TBC1D22A: variants seen among roughly 807,000 people sequenced by gnomAD.
TBC1D22A encodes putative GTPase activator.
Under a neutral mutation model 60.2 loss-of-function variants are expected in TBC1D22A, and 38 were observed. The ratio of observed to expected loss-of-function variants is 0.63; its 90% CI spans 0.49 to 0.83. TBC1D22A has a LOEUF of 0.83. Among genes scored for constraint, TBC1D22A ranks in the 40% least tolerant of loss-of-function variants. TBC1D22A has a pLI of 0.00. For synonymous variants in TBC1D22A, 302 were observed against 281.7 expected, an observed-to-expected ratio of 1.07 and a Z score of -0.72; for missense variants, 628 against 701.0, an observed-to-expected ratio of 0.90 and a Z score of 1.18.
At chr22:47,149,154 C>T (rs114004143) in intron 12 of TBC1D22A, among the ~76,000 whole-genome samples, 1,590 of 152,240 alleles carry the variant, frequency 0.01, 34 homozygotes, top group African/African-American at 0.037. Context: ...GGTCACATGG[C>T]TCGGGGGCCC....
chr22:47,124,294 G>T (rs923545187), intron 12 of TBC1D22A, among the ~76,000 whole-genome samples: 11 of 152,212 alleles, frequency 7.2e-5, no homozygotes, highest in African/African-American at 2.7e-4. Flanking sequence ...GGCGCCGTGG[G>T]AGCTGGGACC....
intron 4 of TBC1D22A, among the ~76,000 whole-genome samples, chr22:46,838,466 A>C (rs2086612422): frequency 6.6e-6 from 1 of 152,240 alleles, no homozygotes; most frequent in African/African-American, 2.4e-5. Flanking sequence ...TTCACTGGTG[A>C]ATTCTACCAA....
At chr22:47,053,927 T>G (rs1389488154) in intron 11 of TBC1D22A, among the ~76,000 whole-genome samples, 1 of 152,086 alleles carries the variant, frequency 6.6e-6, no homozygotes, top group Non-Finnish European at 1.5e-5. Flanking sequence ...GCTCCAGAAG[T>G]GGTAGCTGTT....
At chr22:46,988,210 ACCATATCTGTAGTTACTTCCT>A (rs1254579357) in intron 9 of TBC1D22A, among the ~76,000 whole-genome samples, 1 of 152,146 alleles carries the variant, frequency 6.6e-6, no homozygotes, top group Non-Finnish European at 1.5e-5. Context: ...GTCTATTTCC[ACCATATCTGTAGTTACTTCCT>A]CCACTGAAGT....
rs563275278 is a variant in TBC1D22A, at chr22:46,998,602, A to G, written c.1201+893A>G. On this transcript the variant is annotated intron_variant, in intron 10 of 12. Transcript: ENST00000337137. ...CTTTTCCCCTCCCTGCGCCTTTAGC[A>G]CAGAAGGCCGTAACAGCAGTCTTCA... is the stretch of plus-strand genomic sequence containing the variant. Among the ~76,000 whole-genome samples the G allele has an allele frequency of 4.6e-5, 7 of 152,290 alleles. No individual in the cohort carries two copies. In the South Asian group the frequency reaches 1.4e-3, roughly 32 times the overall value.
chr22:46,782,324 A>T (rs2083975154), intron 1 of TBC1D22A, among the ~76,000 whole-genome samples: 1 of 152,182 alleles, frequency 6.6e-6, no homozygotes, highest in Non-Finnish European at 1.5e-5. Context: ...AAGTGCTGAG[A>T]TTACAGGCCT....
chr22:46,825,421 C>G (rs1486402340), intron 4 of TBC1D22A, among the ~76,000 whole-genome samples: 2 of 152,092 alleles, frequency 1.3e-5, no homozygotes, highest in East Asian at 3.9e-4. Context: ...GAACTTTGTT[C>G]TCTCCCTTCA....
At chr22:47,051,631 G>A (rs915258149) in intron 11 of TBC1D22A, among the ~76,000 whole-genome samples, 43 of 152,176 alleles carry the variant, frequency 2.8e-4, no homozygotes, top group Non-Finnish European at 5.9e-5. Context: ...CCCCTGCCAG[G>A]CTGTGGAGCT....
chr22:46,814,423 G>C (rs1479181941), intron 4 of TBC1D22A, among the ~76,000 whole-genome samples: 2 of 152,140 alleles, frequency 1.3e-5, no homozygotes, highest in African/African-American at 4.8e-5. Context: ...AGGAATGTCT[G>C]AGTCCACTGG....
intron 8 of TBC1D22A, among the ~76,000 whole-genome samples, chr22:46,950,214 A>G (rs1447016403): frequency 1.3e-5 from 2 of 152,172 alleles, no homozygotes; most frequent in African/African-American, 4.8e-5. Context: ...GGGTTTGCTT[A>G]TGAATCAGAG....
At chr22:46,873,330 T>TA (rs1376864163) in intron 4 of TBC1D22A, among the ~76,000 whole-genome samples, 5 of 152,154 alleles carry the variant, frequency 3.3e-5, no homozygotes, top group Non-Finnish European at 5.9e-5. Flanking sequence ...AATTGCTATG[T>TA]AAAATCACAA....
intron 4 of TBC1D22A, among the ~76,000 whole-genome samples, chr22:46,862,473 A>G (rs1021070653): frequency 1.3e-5 from 2 of 152,110 alleles, no homozygotes; most frequent in African/African-American, 4.8e-5. Context: ...CAGGGCATGT[A>G]TGCACTCTGT....
At chr22:47,034,943 G>A (rs778973483) in intron 10 of TBC1D22A, among the ~76,000 whole-genome samples, 11 of 152,120 alleles carry the variant, frequency 7.2e-5, no homozygotes, top group Non-Finnish European at 1.5e-4. Flanking sequence ...GATGCGTCAG[G>A]CTCCCTGAGT....
At chr22:47,167,153 C>T (rs1294950475) in intron 12 of TBC1D22A, among the ~76,000 whole-genome samples, 1 of 152,206 alleles carries the variant, frequency 6.6e-6, no homozygotes, top group Non-Finnish European at 1.5e-5. Context: ...GCTGATGGTC[C>T]TTTTGGAGTT....
intron 4 of TBC1D22A, among the ~76,000 whole-genome samples, chr22:46,804,103 C>T (rs1011768041): frequency 3.3e-5 from 5 of 152,204 alleles, no homozygotes; most frequent in Non-Finnish European, 7.3e-5. Context: ...CCTCCTTGAG[C>T]CAAGGACGGG....
chr22:47,045,041 C>T (rs1005952043), intron 11 of TBC1D22A, among the ~76,000 whole-genome samples: 1 of 152,216 alleles, frequency 6.6e-6, no homozygotes, highest in African/African-American at 2.4e-5. Flanking sequence ...CCCCTGTCAG[C>T]CTCCATGGCC....
intron 7 of TBC1D22A, among the ~76,000 whole-genome samples, chr22:46,902,721 C>T (rs2069089476): frequency 1.3e-5 from 2 of 152,036 alleles, no homozygotes; most frequent in Admixed American, 6.5e-5. Flanking sequence ...TAACTGCAAG[C>T]AACACACCTG....
chr22:46,785,417 T>A (rs554873028), intron 1 of TBC1D22A, among the ~76,000 whole-genome samples: 1 of 152,214 alleles, frequency 6.6e-6, no homozygotes, highest in African/African-American at 2.4e-5. Flanking sequence ...TTTAAAACAT[T>A]ATAACATCTT....
chr22:47,140,111 T>C (rs1208076673), intron 12 of TBC1D22A, among the ~76,000 whole-genome samples: 1 of 152,182 alleles, frequency 6.6e-6, no homozygotes, highest in Admixed American at 6.5e-5. Context: ...TTCTCCTCAT[T>C]GGGAGCCACA....
Sources: gnomAD v4.1 joint callset for allele counts (sites outside exome capture counted in the v4.1 genomes callset) on GRCh38, gnomAD v4.1.1 for gene constraint, MANE v1.5 for transcripts, NCBI Gene and HGNC (gene_info 2026-07-23, HGNC 2026-07-21) for gene names.